UGGT2: variants seen among roughly 807,000 people sequenced by gnomAD.
UGGT2 encodes the protein UDP-glucose glycoprotein glucosyltransferase 2.
A neutral mutation model predicts 192.1 loss-of-function variants in UGGT2; 180 were observed. The observed-to-expected ratio is 0.94, with a 90% CI of 0.83 to 1.06. UGGT2 has a LOEUF of 1.06. UGGT2 is among the 50% of genes least tolerant of loss of function. The pLI is 0.00. For missense variants in UGGT2, 1,849 were observed against 1,795.7 expected (o/e 1.03, Z -0.54); for synonymous variants, 580 against 591.0 (o/e 0.98, Z 0.27).
At chr13:95,808,401 C>T (rs964516613) in intron 38 of UGGT2, among the ~76,000 whole-genome samples, 1 of 152,052 alleles carries the variant, frequency 6.6e-6, no homozygotes, top group Non-Finnish European at 1.5e-5. Context: ...AAATAAATGT[C>T]CTTTGTGGCA....
At chr13:95,995,787 GAA>G (rs1414460381) in intron 7 of UGGT2, 1 of 394,082 alleles carries the variant, frequency 2.5e-6, no homozygotes, top group African/African-American at 2.1e-5. Context: ...AATATTCACA[GAA>G]AGACTGGAAA....
At chr13:95,819,058 T>C (rs1566541783) in intron 38 of UGGT2, among the ~76,000 whole-genome samples, 1 of 152,140 alleles carries the variant, frequency 6.6e-6, no homozygotes, top group Non-Finnish European at 1.5e-5. Context: ...AAATAAAAAA[T>C]AGGCTAACAT....
At chr13:95,820,993 C>T (rs1443749147) in intron 38 of UGGT2, among the ~76,000 whole-genome samples, 1 of 152,070 alleles carries the variant, frequency 6.6e-6, no homozygotes, top group African/African-American at 2.4e-5. Flanking sequence ...TTTATCTACT[C>T]ATTGGTTAAG....
chr13:95,825,185 C>T (rs1566550104), intron 38 of UGGT2, among the ~76,000 whole-genome samples: 2 of 152,108 alleles, frequency 1.3e-5, no homozygotes, highest in Non-Finnish European at 2.9e-5. Context: ...CTGTGGTGTG[C>T]ACTTTTTAAT....
intron 5 of UGGT2, among the ~76,000 whole-genome samples, chr13:96,012,672 G>A (rs1594571118): frequency 6.6e-6 from 1 of 151,850 alleles, no homozygotes. Context: ...GCAAATTAAA[G>A]CACTCCATGT....
chr13:96,013,298 A>T lies in UGGT2; in HGVS notation c.660+9T>A. 1 of 1,542,434 alleles carries T rather than the reference A, an allele frequency of 6.5e-7. No homozygotes were observed. The highest frequency in any genetic ancestry group is 8.6e-7 in the Non-Finnish European group (1 of 1,157,010). On this transcript the variant is annotated intron_variant, in intron 5 of 38. Transcript: ENST00000376747. ...GCCAAAAGCAACCTTGGAAAAAACA[A>T]GCGCATACCTGAATATAATGGCGAA...
intron 12 of UGGT2, among the ~76,000 whole-genome samples, chr13:95,968,259 A>G (rs1158948416): frequency 6.6e-6 from 1 of 152,182 alleles, no homozygotes; most frequent in African/African-American, 2.4e-5. Context: ...AGAAAAAATG[A>G]AAAAATTTCT....
intron 2 of UGGT2, among the ~76,000 whole-genome samples, chr13:96,025,336 A>G (rs975024959): frequency 6.6e-6 from 1 of 152,200 alleles, no homozygotes; most frequent in Non-Finnish European, 1.5e-5. Context: ...GGATATTCTG[A>G]CAAAACTGTA....
At chr13:95,808,380 C>G (rs1232736213) in intron 38 of UGGT2, among the ~76,000 whole-genome samples, 1 of 152,126 alleles carries the variant, frequency 6.6e-6, no homozygotes, top group Non-Finnish European at 1.5e-5. Flanking sequence ...GTTTTCATTT[C>G]TCTTCCTTAC....
chr13:96,001,818 A>G (rs747079856), intron 5 of UGGT2, among the ~76,000 whole-genome samples: 9 of 152,042 alleles, frequency 5.9e-5, no homozygotes, highest in Admixed American at 2.0e-4. Context: ...CTCCTCTTCC[A>G]TTTCCTCCTC....
At chr13:95,907,374 G>A (rs1161003995) in intron 20 of UGGT2, among the ~76,000 whole-genome samples, 1 of 152,210 alleles carries the variant, frequency 6.6e-6, no homozygotes, top group Non-Finnish European at 1.5e-5. Flanking sequence ...AGACTTAAAC[G>A]TCCTTGTCTG....
intron 36 of UGGT2, 146 bp downstream of exon 36, chr13:95,853,397 A>G (rs1273143941): frequency 1.1e-5 from 6 of 566,560 alleles, no homozygotes; most frequent in South Asian, 7.8e-5. Context: ...AAAATTATGT[A>G]TAAGTAGAAA....
intron 36 of UGGT2, among the ~76,000 whole-genome samples, chr13:95,848,472 G>A (rs1888698943): frequency 6.6e-6 from 1 of 152,084 alleles, no homozygotes; most frequent in Non-Finnish European, 1.5e-5. Flanking sequence ...TTTCTGAAGG[G>A]TGTAAGATCT....
intron 4 of UGGT2, among the ~76,000 whole-genome samples, chr13:96,018,961 A>G (rs372167377): frequency 4.6e-5 from 7 of 151,838 alleles, no homozygotes; most frequent in East Asian, 3.9e-4. Context: ...AAAAATTAAA[A>G]TATTTATATT....
intron 38 of UGGT2, among the ~76,000 whole-genome samples, chr13:95,820,635 G>A (rs73556744): frequency 0.015 from 2,217 of 152,062 alleles, 57 homozygotes; most frequent in African/African-American, 0.051. Context: ...CTTTTGGGGT[G>A]CAAGTGGTTT....
chr13:95,882,067 C>T (rs1481747021), intron 27 of UGGT2, among the ~76,000 whole-genome samples: 2 of 152,088 alleles, frequency 1.3e-5, no homozygotes, highest in East Asian at 1.9e-4. Flanking sequence ...TGTCACCATG[C>T]CCGGCTAATT....
intron 11 of UGGT2, 102 bp downstream of exon 11, chr13:95,972,478 T>C: frequency 9.3e-7 from 1 of 1,074,758 alleles, no homozygotes; most frequent in Non-Finnish European, 1.3e-6. Context: ...AACATGTATT[T>C]ATCTTTAAAG....
intron 30 of UGGT2, 63 bp from the exon 31 acceptor site, chr13:95,863,777 A>G (rs1890384477): frequency 9.2e-6 from 12 of 1,299,470 alleles, no homozygotes; most frequent in South Asian, 3.6e-5. Context: ...GTATGGTTAG[A>G]AAGTGAAACA....
intron 37 of UGGT2, among the ~76,000 whole-genome samples, chr13:95,833,967 T>C (rs565304812): frequency 6.6e-6 from 1 of 152,310 alleles, no homozygotes; most frequent in Non-Finnish European, 1.5e-5. Flanking sequence ...CTATTAGTCA[T>C]GAGCCGTGAG....
Sources: allele counts gnomAD v4.1 joint callset (sites outside exome capture counted in the v4.1 genomes callset), GRCh38; gene constraint gnomAD v4.1.1; transcripts MANE v1.5; gene names NCBI Gene and HGNC (gene_info 2026-07-23, HGNC 2026-07-21).